Variants in THOC5 observed in about 807,000 individuals in gnomAD.
THOC5 encodes THO complex subunit 5.
A neutral mutation model predicts 92.9 loss-of-function variants in THOC5; 43 were observed. The ratio of observed to expected loss-of-function variants is 0.46; its 90% CI spans 0.36 to 0.60. THOC5 has a LOEUF of 0.60. Ranked by LOEUF, THOC5 falls within the 20% of genes least tolerant of loss-of-function variation. The pLI, the probability that THOC5 is intolerant of heterozygous loss-of-function variation, is 0.00. For missense variants in THOC5, 659 were observed against 849.4 expected (o/e 0.78, Z 2.79); for synonymous variants, 296 against 320.1 (o/e 0.92, Z 0.80).
chr22:29,521,579 T>C (rs1007068436), intron 12 of THOC5, among the ~76,000 whole-genome samples: 4 of 152,122 alleles, frequency 2.6e-5, no homozygotes, highest in Admixed American at 2.6e-4. Context: ...ATAGCTTTGG[T>C]GCTATGTCTA....
chr22:29,532,470 C>G (rs569153849), intron 7 of THOC5, among the ~76,000 whole-genome samples: 1 of 151,594 alleles, frequency 6.6e-6, no homozygotes, highest in Admixed American at 6.6e-5. Flanking sequence ...TCAAGACCAG[C>G]CTGACGGACA....
At chr22:29,543,691 G>A (rs1352237505) in intron 3 of THOC5, 149 bp from the exon 4 acceptor site, 2 of 535,848 alleles carry the variant, frequency 3.7e-6, no homozygotes, top group Admixed American at 3.5e-5. Flanking sequence ...GAAAATAAGA[G>A]GATGATTGTA....
intron 6 of THOC5, among the ~76,000 whole-genome samples, chr22:29,537,028 C>A (rs1459582257): frequency 6.6e-6 from 1 of 152,262 alleles, no homozygotes; most frequent in African/African-American, 2.4e-5. Flanking sequence ...AAACACTGCG[C>A]TAGGCTTTGG....
rs1195837895 is a variant in THOC5 at position 29,553,712 on chromosome 22, C to G, written c.-53G>C. ...CCTGGCACCGGGAGTAAGCCACTGC[C>G]GGAGGCGGAGCAAAGCTTGCCCGCG... On this transcript the variant is annotated 5_prime_UTR_variant, in exon 1 of 20. Transcript: ENST00000490103. 6.6e-6 allele frequency: 1 copy of G among 152,400 alleles called. No individual in the cohort carries two copies. The highest frequency in any genetic ancestry group is 2.4e-5 in the African/African-American group (1 of 41,436). The allele number at this position is 152,400 out of a possible 1,614,324, so 9.4% of individuals were successfully genotyped here. A position where few individuals can be genotyped will look rare whatever the true frequency, so the allele number is the denominator to read the frequency against.
intron 14 of THOC5, 102 bp downstream of exon 14, chr22:29,519,906 T>C: frequency 1.1e-6 from 1 of 880,040 alleles, no homozygotes; most frequent in Non-Finnish European, 1.7e-6. Flanking sequence ...AGTACAAGGA[T>C]TATAGGCATG....
intron 17 of THOC5, among the ~76,000 whole-genome samples, chr22:29,515,119 G>A (rs1259170568): frequency 2.6e-5 from 4 of 151,998 alleles, no homozygotes; most frequent in African/African-American, 7.2e-5. Flanking sequence ...TCGGCTCATT[G>A]TAACCTCCAC....
rs766042745 is a variant in THOC5 at position 29,508,524 on chromosome 22, G to C, written c.1989-4C>G. On this transcript the variant is annotated splice_polypyrimidine_tract_variant and splice_region_variant and intron_variant, in intron 19 of 19. Transcript: ENST00000490103. ...TGGCTTCATCCTGCTAGGACCCCTA[G>C]AGAAATAGGAGAACGGAGTTGTTAA... 2.5e-6 allele frequency: 4 copies of C among 1,612,692 alleles called. No individual in the cohort carries two copies. Among genetic ancestry groups the C allele is most frequent in the East Asian group, 2.2e-5 (1 of 44,882 alleles).
chr22:29,519,099 A>C lies in THOC5; in HGVS notation c.1396T>G (p.Ser466Ala). ...GTCTCCATGTGGCTGGCGCTCAGCGAGTGGTCAGCAATCACTGTTTGCTGT... is the reference window on the plus strand; with the variant it reads ...GTCTCCATGTGGCTGGCGCTCAGCGCGTGGTCAGCAATCACTGTTTGCTGT... ...QPQQTVIADH[S>A]LSASHMETTM... The change falls in exon 15 of 20, where the codon TCG becomes GCG. Residue 466 changes from serine to alanine, a missense_variant. Physicochemically the swap from Ser to Ala is moderately conservative, Grantham distance 99 (BLOSUM62 1). Transcript: ENST00000490103. 7.4e-6 allele frequency: 12 copies of C among 1,611,216 alleles called. No individual in the cohort carries two copies. The highest frequency in any genetic ancestry group is 1.0e-5 in the Non-Finnish European group (12 of 1,178,712).
At position 29,517,073 on chromosome 22, in the gene THOC5, C is replaced by T. The variant is rs1000173221; in HGVS notation, c.1637G>A (p.Gly546Glu). 3 of 1,614,148 alleles carry T rather than the reference C, an allele frequency of 1.9e-6. No individual in the cohort carries two copies. In the South Asian group the frequency reaches 3.3e-5, roughly 18 times the overall value. Reference protein sequence around the residue: ...TKDIVDAGLAGDTNLYYMALI... With the variant: ...TKDIVDAGLAEDTNLYYMALI... ...CGCCATGTAGTAGAGATTGGTGTCC[C>T]CAGCCAGTCCCGCATCCACAATGTC... Residue 546 changes from glycine to glutamate, a missense_variant, in exon 17 of 20, where the codon GGG (glycine) becomes GAG (glutamate). By Grantham distance (98) the Gly-to-Glu change is moderately conservative. Coordinates refer to ENST00000490103, the MANE Select transcript of THOC5 (RefSeq NM_003678.5).
intron 13 of THOC5, among the ~76,000 whole-genome samples, chr22:29,520,636 C>T (rs1317132366): frequency 6.6e-6 from 1 of 152,176 alleles, no homozygotes; most frequent in Non-Finnish European, 1.5e-5. Flanking sequence ...GCTGGGACTA[C>T]AAATGCCCAC....
chr22:29,536,406 A>T, intron 7 of THOC5: 1 of 504,470 alleles, frequency 2.0e-6, no homozygotes, highest in Non-Finnish European at 3.5e-6. Flanking sequence ...CCTCTGGATG[A>T]AAACACCCAG....
In THOC5 at chr22:29,506,765, T is replaced by A. The variant is rs1225439806; in HGVS notation, c.*1692A>T. On this transcript the variant is annotated 3_prime_UTR_variant, in exon 20 of 20. Transcript: ENST00000490103. ...TGATTCTCCAACACCACTCTCGCCA[T>A]CTCCATGAAATCCTGTAAGACTTAG... is the stretch of plus-strand genomic sequence containing the variant. The A allele has an allele frequency of 3.3e-5, 5 of 152,276 alleles. No individual in the cohort carries two copies. In the East Asian group the frequency reaches 9.6e-4, roughly 29 times the overall value. The allele number at this position is 152,276 out of a possible 1,614,324, so 9.4% of individuals were successfully genotyped here.
At position 29,525,821 on chromosome 22, in the gene THOC5, G is replaced by A; in HGVS notation, c.1175+17C>T. 8 of 1,605,352 alleles carry A rather than the reference G, an allele frequency of 5.0e-6. No homozygotes were observed. Among genetic ancestry groups the A allele is most frequent in the Non-Finnish European group, 6.0e-6 (7 of 1,172,942 alleles). ...TCCCCATCCCGCACGTCATTGCCCA[G>A]AGCGCCTGCTCAATACCCTGCACTG... On this transcript the variant is annotated intron_variant, in intron 12 of 19. Transcript: ENST00000490103.
rs768799679 is a variant in THOC5, at chr22:29,542,822, GA to G, written c.452+36del. 2.6e-5 allele frequency: 37 copies of G among 1,436,416 alleles called. No individual in the cohort carries two copies. In the Middle Eastern group the frequency reaches 1.4e-3, roughly 55 times the overall value. The allele number at this position is 1,436,416 out of a possible 1,614,324, so 89.0% of individuals were successfully genotyped here. ...ACATGGGAAAAAGCAGTTACCGAAA[GA>G]CCACATGTGCCAAAGCCCTGTCCTC... On this transcript the variant is annotated intron_variant, in intron 5 of 19. Transcript: ENST00000490103.
chr22:29,508,501 G>A lies in THOC5; in HGVS notation c.2008C>T (p.Pro670Ser), dbSNP rs2063161999. The A allele has an allele frequency of 6.2e-7, 1 of 1,614,084 alleles. No homozygotes were observed. The highest frequency in any genetic ancestry group is 8.5e-7 in the Non-Finnish European group (1 of 1,179,976). ...CCCTGAGGATGGTTGTATTTAAATG[G>A]CTTCATCCTGCTAGGACCCCTAGAG... ...RLFRGPSRMK[P>S]FKYNHPQGFF... The change falls in exon 20 of 20, where the codon CCA (proline) becomes TCA (serine). Residue 670 changes from proline (P) to serine (S), a missense_variant. Pro to Ser is a moderately conservative substitution (Grantham distance 74, BLOSUM62 -1). Coordinates refer to ENST00000490103, the MANE Select transcript of THOC5 (RefSeq NM_003678.5).
intron 1 of THOC5, chr22:29,550,648 G>T (rs2064123067): frequency 6.6e-6 from 1 of 152,046 alleles, no homozygotes; most frequent in Admixed American, 6.6e-5. Context: ...CTCTTTCATG[G>T]CTATGAGTCC....
chr22:29,519,189 T>G, intron 14 of THOC5, 69 bp from the exon 15 acceptor site: 2 of 1,080,366 alleles, frequency 1.9e-6, no homozygotes, highest in Non-Finnish European at 1.4e-6. Context: ...ATCTCTCTCC[T>G]GGGACCTGCC....
intron 7 of THOC5, chr22:29,536,179 T>C (rs1046190615): frequency 1.3e-5 from 2 of 156,420 alleles, no homozygotes; most frequent in African/African-American, 4.8e-5. Context: ...AAAGACATTA[T>C]GTTTTACAGG....
Position 29,521,002 on chromosome 22 carries a change from C to T in THOC5, c.1273G>A (p.Val425Ile). The T allele has an allele frequency of 6.2e-7, 1 of 1,613,886 alleles. No individual in the cohort carries two copies. The highest frequency in any genetic ancestry group is 8.5e-7 in the Non-Finnish European group (1 of 1,179,780). The stretch of plus-strand genomic sequence containing the variant: ...AGGAGGAAACTGCTGACTCACCCAA[C>T]TTTATCAAACTGATACTGATTGGCT... ...NPANQYQFDK[V>I]GILTLSDYVL... The change falls in exon 13 of 20, where the codon GTT becomes ATT. Residue 425 changes from valine to isoleucine, a missense_variant. Physicochemically the swap from Val to Ile is conservative, Grantham distance 29 (BLOSUM62 3). Transcript: ENST00000490103.
Sources: allele counts gnomAD v4.1 joint callset (sites outside exome capture counted in the v4.1 genomes callset), GRCh38; gene constraint gnomAD v4.1.1; transcripts MANE v1.5; gene names NCBI Gene and HGNC (gene_info 2026-07-23, HGNC 2026-07-21).